Variants in CDH13 observed in about 807,000 individuals in gnomAD.
CDH13 encodes the protein cadherin 13, also known as cadherin-13.
Under a neutral mutation model 63.8 loss-of-function variants are expected in CDH13, and 24 were observed. The ratio of observed to expected loss-of-function variants is 0.38; its 90% confidence interval spans 0.27 to 0.53. The LOEUF is 0.53. CDH13 is among the 20% of genes least tolerant of loss of function. CDH13 has a pLI of 0.85. For synonymous variants in CDH13, 503 were observed against 355.3 expected (o/e 1.42, Z -4.67); for missense variants, 1,049 against 903.1 (o/e 1.16, Z -2.07).
At chr16:83,399,326 T>C (rs2091933104) in intron 6 of CDH13, among the ~76,000 whole-genome samples, 1 of 152,244 alleles carries the variant, frequency 6.6e-6, no homozygotes, top group Admixed American at 6.5e-5. Flanking sequence ...AATATGTTAC[T>C]TCTGTAATGA....
At chr16:82,627,311 C>T (rs1317467332) in intron 1 of CDH13, among the ~76,000 whole-genome samples, 174 bp downstream of exon 1, 1 of 151,186 alleles carries the variant, frequency 6.6e-6, no homozygotes, top group African/African-American at 2.4e-5. Context: ...AGGCACCCCC[C>T]ACACACAGGC....
rs7187077 is a variant in CDH13 at position 82,687,886 on chromosome 16, C to G, written c.45+60749C>G. On this transcript the variant is annotated intron_variant, in intron 1 of 13. Transcript: ENST00000567109. Reference sequence around the variant, plus strand: ...GAGCCAGGGCAAACCGTCAGGGATGCTAAGTAAGGAGCTTCAAGGGGATCC... The same window carrying G: ...GAGCCAGGGCAAACCGTCAGGGATGGTAAGTAAGGAGCTTCAAGGGGATCC... Among the ~76,000 whole-genome samples the G allele has an allele frequency of 7.8e-3, 1,183 of 152,192 alleles. 14 individuals carry two copies. Among genetic ancestry groups the G allele is most frequent in the African/African-American group, 0.027 (1,128 of 41,532 alleles).
intron 11 of CDH13, among the ~76,000 whole-genome samples, chr16:83,750,825 G>A (rs533670765): frequency 6.6e-6 from 1 of 152,288 alleles, no homozygotes; most frequent in South Asian, 2.1e-4. Context: ...CTCCAGAACT[G>A]TAAGACAATA....
At chr16:83,176,093 A>C (rs72800287) in intron 4 of CDH13, among the ~76,000 whole-genome samples, 24,410 of 149,710 alleles carry the variant, frequency 0.16, 2,073 homozygotes, top group South Asian at 0.19. Context: ...CAGGTCATCC[A>C]CTTGCCTCGG....
At chr16:83,404,219 G>T (rs1567649227) in intron 6 of CDH13, among the ~76,000 whole-genome samples, 3 of 152,084 alleles carry the variant, frequency 2.0e-5, no homozygotes, top group Non-Finnish European at 4.4e-5. Context: ...CAGAACTTTT[G>T]GCATCCTTTG....
intron 6 of CDH13, among the ~76,000 whole-genome samples, chr16:83,446,512 G>T (rs1034326203): frequency 6.6e-6 from 1 of 152,042 alleles, no homozygotes; most frequent in African/African-American, 2.4e-5. Flanking sequence ...AGAGAAGAAA[G>T]GACAGAAAAT....
At chr16:83,055,073 T>A (rs1293401218) in intron 3 of CDH13, among the ~76,000 whole-genome samples, 1 of 152,020 alleles carries the variant, frequency 6.6e-6, no homozygotes, top group Admixed American at 6.6e-5. Context: ...CTATGCAATA[T>A]ATGTTGAAAT....
chr16:82,789,450 A>C (rs1295808544), intron 1 of CDH13, among the ~76,000 whole-genome samples: 1 of 152,350 alleles, frequency 6.6e-6, no homozygotes, highest in South Asian at 2.1e-4. Context: ...GGCGATGACA[A>C]GAACAACTGT....
chr16:83,158,535 G>C (rs2037312566), intron 4 of CDH13, among the ~76,000 whole-genome samples: 1 of 152,216 alleles, frequency 6.6e-6, no homozygotes, highest in South Asian at 2.1e-4. Flanking sequence ...TGACACTGAG[G>C]AGTGACCAGT....
At chr16:83,287,349 T>A (rs2089344336) in intron 5 of CDH13, among the ~76,000 whole-genome samples, 1 of 152,320 alleles carries the variant, frequency 6.6e-6, no homozygotes, top group Non-Finnish European at 1.5e-5. Context: ...GCCTATGACC[T>A]GTTAGGAACC....
chr16:83,515,020 C>G (rs547879860), intron 7 of CDH13, among the ~76,000 whole-genome samples: 1 of 152,244 alleles, frequency 6.6e-6, no homozygotes, highest in South Asian at 2.1e-4. Flanking sequence ...GTGCACACAG[C>G]CAGCTTTTGG....
At chr16:83,220,661 AAAAG>A (rs979853555) in intron 5 of CDH13, among the ~76,000 whole-genome samples, 1 of 150,132 alleles carries the variant, frequency 6.7e-6, no homozygotes. Flanking sequence ...GCAAGAAAAA[AAAAG>A]AAAAAGAAAA....
chr16:83,279,973 T>C (rs1159907429), intron 5 of CDH13, among the ~76,000 whole-genome samples: 1 of 152,156 alleles, frequency 6.6e-6, no homozygotes, highest in Non-Finnish European at 1.5e-5. Context: ...ACTAAGAAAG[T>C]GCTAACAAAC....
At chr16:83,125,018 T>G (rs2035747323) in intron 3 of CDH13, among the ~76,000 whole-genome samples, 1 of 152,206 alleles carries the variant, frequency 6.6e-6, no homozygotes, top group Non-Finnish European at 1.5e-5. Context: ...TGGCTGTAAA[T>G]CAAATAAAAT....
intron 7 of CDH13, among the ~76,000 whole-genome samples, chr16:83,491,775 T>G (rs2074019440): frequency 6.6e-6 from 1 of 152,170 alleles, no homozygotes; most frequent in Non-Finnish European, 1.5e-5. Flanking sequence ...CCCGTGAAAA[T>G]GTACATATAA....
intron 2 of CDH13, among the ~76,000 whole-genome samples, chr16:82,921,144 C>T (rs968613477): frequency 6.6e-6 from 1 of 152,122 alleles, no homozygotes; most frequent in Non-Finnish European, 1.5e-5. Flanking sequence ...TTTTCTGTGG[C>T]TGCTGTAACA....
At chr16:83,572,177 TGTGTGTG>T (rs1567774943) in intron 7 of CDH13, among the ~76,000 whole-genome samples, 2,182 of 61,696 alleles carry the variant, frequency 0.035, 46 homozygotes, top group African/African-American at 0.13. Flanking sequence ...TTTCCTGTGG[TGTGTGTG>T]TGTGTGTGTG....
At chr16:82,836,833 C>T (rs942072418) in intron 1 of CDH13, among the ~76,000 whole-genome samples, 4 of 152,210 alleles carry the variant, frequency 2.6e-5, no homozygotes, top group Non-Finnish European at 5.9e-5. Context: ...TCATAACCCA[C>T]CTTTCCATTC....
At chr16:82,921,572 C>A (rs188026137) in intron 2 of CDH13, among the ~76,000 whole-genome samples, 1 of 152,140 alleles carries the variant, frequency 6.6e-6, no homozygotes, top group Non-Finnish European at 1.5e-5. Flanking sequence ...GTAGTATTTA[C>A]AGGTTGCAGG....
Sources: allele counts gnomAD v4.1 joint callset (sites outside exome capture counted in the v4.1 genomes callset), GRCh38; gene constraint gnomAD v4.1.1; transcripts MANE v1.5; gene names NCBI Gene and HGNC (gene_info 2026-07-23, HGNC 2026-07-21).